The following PACRG variants were observed in gnomAD, a reference collection of about 807,000 sequenced individuals.
PACRG encodes the protein parkin coregulated, also known as parkin coregulated gene protein.
PACRG carries 29 observed loss-of-function variants against 29.7 expected under a neutral mutation model. That is an observed-to-expected ratio of 0.98 (90% CI 0.73 to 1.33). The LOEUF is 1.33. Among genes scored for constraint, PACRG ranks in the 40% most tolerant of loss-of-function variants. The pLI, the probability that PACRG is intolerant of heterozygous loss-of-function variation, is 0.00. For synonymous variants in PACRG, 116 were observed against 118.7 expected (o/e 0.98, Z 0.15); for missense variants, 279 against 316.2 (o/e 0.88, Z 0.89).
At position 162,853,897 on chromosome 6, in the gene PACRG, C is replaced by A. The variant is rs1791136947; in HGVS notation, c.291+39616C>A. Among the ~76,000 whole-genome samples the A allele has an allele frequency of 6.6e-6, 1 of 151,994 alleles. No homozygotes were observed. ...CATTTATTATAAAGATGAAATAAGA[C>A]CATATATTCTTGAACTTAGAATATT... On this transcript the variant is annotated intron_variant, in intron 2 of 4. Transcript: ENST00000366888. The surrounding 1 kb of genome is among the most constrained non-coding windows in gnomAD (Gnocchi z 4.7).
chr6:162,891,764 T>C (rs938485956), intron 2 of PACRG, among the ~76,000 whole-genome samples: 1 of 151,990 alleles, frequency 6.6e-6, no homozygotes, highest in African/African-American at 2.4e-5. Flanking sequence ...ACCATGTGGG[T>C]CACTCAGGTA....
chr6:162,884,748 T>C (rs914358453), intron 2 of PACRG, among the ~76,000 whole-genome samples: 2 of 152,192 alleles, frequency 1.3e-5, no homozygotes, highest in African/African-American at 2.4e-5. Flanking sequence ...GTGATACATG[T>C]ATGCCTGTGT....
intron 2 of PACRG, among the ~76,000 whole-genome samples, chr6:162,928,827 CT>C (rs938088846): frequency 1.8e-4 from 27 of 146,592 alleles, no homozygotes; most frequent in South Asian, 4.3e-4. Context: ...ATAAGGTCCA[CT>C]TTTTTTTTTA....
At chr6:162,920,769 C>T (rs1319008602) in intron 2 of PACRG, among the ~76,000 whole-genome samples, 1 of 152,090 alleles carries the variant, frequency 6.6e-6, no homozygotes, top group Admixed American at 6.5e-5. Flanking sequence ...TAGAGTACTA[C>T]TAATTTGGCT....
chr6:162,990,371 C>T (rs979968995), intron 2 of PACRG, among the ~76,000 whole-genome samples: 1 of 151,146 alleles, frequency 6.6e-6, no homozygotes, highest in Non-Finnish European at 1.5e-5. Flanking sequence ...AAAAGTGTTC[C>T]TATTTCTCCA....
intron 2 of PACRG, among the ~76,000 whole-genome samples, chr6:163,028,842 T>C (rs926400281): frequency 6.6e-6 from 1 of 152,242 alleles, no homozygotes; most frequent in Admixed American, 6.5e-5. Context: ...ATAAATTTGT[T>C]GGAAGTATCA....
intron 4 of PACRG, among the ~76,000 whole-genome samples, chr6:163,121,598 C>T (rs945735873): frequency 2.0e-5 from 3 of 151,686 alleles, no homozygotes; most frequent in Non-Finnish European, 4.4e-5. Context: ...ACAGACCCAT[C>T]AGAAGCTCAT....
At chr6:163,021,367 T>C (rs1293870114) in intron 2 of PACRG, among the ~76,000 whole-genome samples, 1 of 152,204 alleles carries the variant, frequency 6.6e-6, no homozygotes, top group Non-Finnish European at 1.5e-5. Flanking sequence ...CCGTGGACAC[T>C]TCCTCACTCT....
chr6:162,990,345 A>G (rs1192208145), intron 2 of PACRG, among the ~76,000 whole-genome samples: 5 of 151,768 alleles, frequency 3.3e-5, no homozygotes, highest in Admixed American at 1.3e-4. Flanking sequence ...CTAGTTTACA[A>G]TCCCACCAAC....
At chr6:162,792,366 A>C (rs559380846) in intron 1 of PACRG, among the ~76,000 whole-genome samples, 52 of 152,278 alleles carry the variant, frequency 3.4e-4, no homozygotes, top group Admixed American at 5.9e-4. Flanking sequence ...TTTTATAGCG[A>C]AAGTTTCAGG....
At chr6:162,939,671 T>C (rs1452807643) in intron 2 of PACRG, among the ~76,000 whole-genome samples, 1 of 104,898 alleles carries the variant, frequency 9.5e-6, no homozygotes, top group Non-Finnish European at 1.9e-5. Flanking sequence ...ATCTCCTGTA[T>C]TTGACGTGTG....
intron 4 of PACRG, among the ~76,000 whole-genome samples, chr6:163,208,955 T>A (rs1781024159): frequency 6.6e-6 from 1 of 152,224 alleles, no homozygotes; most frequent in Non-Finnish European, 1.5e-5. Flanking sequence ...CCCTCTGTGT[T>A]AAATTTTCTT....
intron 1 of PACRG, among the ~76,000 whole-genome samples, chr6:162,743,445 ATATATCATACT>A (rs1780751644): frequency 6.6e-6 from 1 of 152,136 alleles, no homozygotes; most frequent in African/African-American, 2.4e-5. Flanking sequence ...CATATCATAC[ATATATCATACT>A]ATATTTTACA....
intron 2 of PACRG, among the ~76,000 whole-genome samples, chr6:162,932,700 G>A (rs920709091): frequency 1.1e-4 from 16 of 151,670 alleles, no homozygotes; most frequent in Admixed American, 9.2e-4. Flanking sequence ...CTAATTATTT[G>A]TATGTCTCTG....
chr6:162,908,037 T>TG (rs1796052532), intron 2 of PACRG, among the ~76,000 whole-genome samples: 1 of 152,220 alleles, frequency 6.6e-6, no homozygotes, highest in South Asian at 2.1e-4. Flanking sequence ...GAGTTATACA[T>TG]ACGCCTCTCA....
intron 1 of PACRG, among the ~76,000 whole-genome samples, chr6:162,751,697 A>G (rs1255837154): frequency 6.6e-6 from 1 of 152,184 alleles, no homozygotes; most frequent in Non-Finnish European, 1.5e-5. Flanking sequence ...CTGTGCTTGC[A>G]TTTGTAATCA....
intron 2 of PACRG, among the ~76,000 whole-genome samples, chr6:162,954,430 C>T (rs1799870216): frequency 6.7e-6 from 1 of 150,084 alleles, no homozygotes. Context: ...TACAAAATTT[C>T]CTGAGTTGCT....
chr6:162,947,293 TAATCATATA>T (rs1799094919), intron 2 of PACRG, among the ~76,000 whole-genome samples: 1 of 16,078 alleles, frequency 6.2e-5, no homozygotes, highest in African/African-American at 4.2e-4. Context: ...ATCATACATA[TAATCATATA>T]ATATATATAA....
At chr6:163,270,701 A>C (rs1203560970) in intron 4 of PACRG, among the ~76,000 whole-genome samples, 1 of 152,136 alleles carries the variant, frequency 6.6e-6, no homozygotes, top group Non-Finnish European at 1.5e-5. Flanking sequence ...GCCCAAATAC[A>C]ATATGGGCAA....
Sources: gnomAD v4.1 joint callset for allele counts (sites outside exome capture counted in the v4.1 genomes callset) on GRCh38, gnomAD v4.1.1 for gene constraint, Gnocchi (gnomAD v3.1) non-coding constraint, MANE v1.5 for transcripts, NCBI Gene and HGNC (gene_info 2026-07-23, HGNC 2026-07-21) for gene names.